CDK12: variants seen among roughly 807,000 people sequenced by gnomAD.
CDK12 encodes cyclin dependent kinase 12, also known as cyclin-dependent kinase 12.
In CDK12, 17 loss-of-function variants were observed where a neutral mutation model predicts 133.8. The observed-to-expected ratio is 0.13, with a 90% CI of 0.09 to 0.19. The LOEUF (loss-of-function observed/expected upper bound fraction) is 0.19, where lower values mean the gene tolerates loss of function less well. CDK12 is among the 10% of genes least tolerant of loss of function. The pLI is 1.00. For missense variants in CDK12, 1,508 were observed against 1,818.7 expected (o/e 0.83, Z 3.11); for synonymous variants, 694 against 683.6 (o/e 1.02, Z -0.24).
At chr17:39,556,741 T>C (rs1002047817) in intron 3 of CDK12, 1 of 151,716 alleles carries the variant, frequency 6.6e-6, no homozygotes, top group Non-Finnish European at 1.5e-5. Flanking sequence ...CTCCTATCCA[T>C]AGGGTAGATG....
chr17:39,558,249 C>G (rs1181573063), intron 3 of CDK12, among the ~76,000 whole-genome samples: 1 of 152,176 alleles, frequency 6.6e-6, no homozygotes, highest in Non-Finnish European at 1.5e-5. Context: ...ATCAGTTACC[C>G]CATTCCTATG....
At chr17:39,562,784 A>G (rs1292335499) in intron 3 of CDK12, among the ~76,000 whole-genome samples, 5 of 151,968 alleles carry the variant, frequency 3.3e-5, no homozygotes, top group Admixed American at 1.3e-4. Context: ...CTGGGCCTCA[A>G]ACTTCAGGCC....
intron 3 of CDK12, among the ~76,000 whole-genome samples, chr17:39,563,887 C>T (rs1024890868): frequency 2.6e-5 from 4 of 152,160 alleles, no homozygotes; most frequent in Admixed American, 6.5e-5. Context: ...TTATGCCCCT[C>T]GGTGCCACTC....
At chr17:39,547,561 A>G (rs150312186), upstream of CDK12, among the ~76,000 whole-genome samples, 1 of 152,318 alleles carries the variant, frequency 6.6e-6, no homozygotes, top group African/African-American at 2.4e-5. Flanking sequence ...AGGCTCTGAG[A>G]ATCTGTCCAT....
intron 6 of CDK12, 115 bp downstream of exon 6, chr17:39,501,554 T>C: frequency 1.6e-6 from 1 of 642,712 alleles, no homozygotes; most frequent in South Asian, 2.2e-5. Flanking sequence ...TCACACACTA[T>C]TTAGTGATAT....
At chr17:39,518,581 A>G (rs1360948031) in intron 10 of CDK12, among the ~76,000 whole-genome samples, 2 of 151,796 alleles carry the variant, frequency 1.3e-5, no homozygotes, top group Non-Finnish European at 2.9e-5. Flanking sequence ...AGAACTGGCC[A>G]TATTTTTGTG....
chr17:39,468,308 T>C (rs1398293476), intron 1 of CDK12, among the ~76,000 whole-genome samples: 4 of 152,226 alleles, frequency 2.6e-5, no homozygotes, highest in African/African-American at 7.2e-5. Context: ...TACACATATA[T>C]GTTGTTTTGA....
chr17:39,501,217 TCTTGC>T, intron 5 of CDK12, 28 bp from the exon 6 acceptor site: 1 of 1,431,272 alleles, frequency 7.0e-7, no homozygotes. Context: ...CTTTTTTTTT[TCTTGC>T]TTTTAATTTT....
In CDK12 at chr17:39,470,986, C is replaced by T; in HGVS notation, c.1154C>T (p.Ser385Leu). ...SSSRSRHSSI[S>L]PVRLPLNSSL... ...TCACGCAGTCGTCATTCCAGTATCT[C>T]ACCTGTCAGGCTTCCACTTAATTCC... is the stretch of plus-strand genomic sequence containing the variant. The change falls in exon 2 of 14, where the codon TCA (serine) becomes TTA (leucine). Residue 385 changes from serine to leucine, a missense_variant. Physicochemically the swap from Ser to Leu is moderately radical, Grantham distance 145. Transcript: ENST00000447079. 1 of 1,614,146 alleles carries T rather than the reference C, an allele frequency of 6.2e-7. No homozygotes were observed. Among genetic ancestry groups the T allele is most frequent in the Non-Finnish European group, 8.5e-7 (1 of 1,180,014 alleles).
chr17:39,535,479 A>G (rs79688963), downstream of CDK12, among the ~76,000 whole-genome samples: 1,068 of 152,262 alleles, frequency 7.0e-3, 7 homozygotes, highest in South Asian at 0.011. Flanking sequence ...GATTGTTCCA[A>G]TTTCTGGAAT....
chr17:39,465,783 G>A (rs940750721), intron 1 of CDK12, among the ~76,000 whole-genome samples: 4 of 152,000 alleles, frequency 2.6e-5, no homozygotes, highest in African/African-American at 9.7e-5. Flanking sequence ...GAGCCAATGC[G>A]CACAGCCATG....
upstream of CDK12, among the ~76,000 whole-genome samples, chr17:39,547,166 G>A (rs910009591): frequency 7.1e-5 from 7 of 98,552 alleles, no homozygotes; most frequent in Non-Finnish European, 1.2e-4. Flanking sequence ...ACGGAGTTTC[G>A]CTTTTGTTGC....
At chr17:39,553,211 C>T (rs1334869894) in intron 2 of CDK12, among the ~76,000 whole-genome samples, 1 of 152,114 alleles carries the variant, frequency 6.6e-6, no homozygotes, top group Non-Finnish European at 1.5e-5. Context: ...CTCCTTCTCC[C>T]CTAAATTTTT....
At chr17:39,562,192 C>T (rs1208479988) in intron 3 of CDK12, among the ~76,000 whole-genome samples, 1 of 152,220 alleles carries the variant, frequency 6.6e-6, no homozygotes, top group East Asian at 1.9e-4. Context: ...CCCGCCTCAG[C>T]CTCCCAAAGT....
rs557841153 is a variant in CDK12 at position 39,466,205 on chromosome 17, G to A, written c.1046+3088G>A. On this transcript the variant is annotated intron_variant, in intron 1 of 13. Transcript: ENST00000447079. ...CACCTATAATCCCAGCTACTCGGGA[G>A]GCTGAGGCAGGAGAATCGCTTGAAC... Among the ~76,000 whole-genome samples, 338 of 151,962 alleles carry A rather than the reference G, an allele frequency of 2.2e-3. 2 individuals carry two copies. The highest frequency in any genetic ancestry group is 7.7e-3 in the African/African-American group (319 of 41,436).
chr17:39,545,367 T>G (rs998904610), upstream of CDK12, among the ~76,000 whole-genome samples: 2 of 152,084 alleles, frequency 1.3e-5, no homozygotes, highest in African/African-American at 4.8e-5. Context: ...TTTTGTATTT[T>G]TAATAGAGAC....
At chr17:39,529,096 AT>A (rs2054667344) in intron 13 of CDK12, among the ~76,000 whole-genome samples, 1 of 152,156 alleles carries the variant, frequency 6.6e-6, no homozygotes, top group South Asian at 2.1e-4. Context: ...GGTGGGTACT[AT>A]ACATAGGGTC....
At chr17:39,518,923 T>C (rs1021553834) in intron 10 of CDK12, among the ~76,000 whole-genome samples, 3 of 152,120 alleles carry the variant, frequency 2.0e-5, no homozygotes, top group African/African-American at 7.2e-5. Flanking sequence ...GTTTTTGAGA[T>C]GGGGTTTCGC....
At chr17:39,521,685 G>A (rs1391825520) in intron 11 of CDK12, among the ~76,000 whole-genome samples, 1 of 151,898 alleles carries the variant, frequency 6.6e-6, no homozygotes. Context: ...CCAGCCTACT[G>A]AGTAGCTGGG....
Sources: gnomAD v4.1 joint callset for allele counts (sites outside exome capture counted in the v4.1 genomes callset) on GRCh38, gnomAD v4.1.1 for gene constraint, MANE v1.5 for transcripts, NCBI Gene and HGNC (gene_info 2026-07-23, HGNC 2026-07-21) for gene names.